NEMP1: variants seen among roughly 807,000 people sequenced by gnomAD.
NEMP1 encodes transmembrane protein 194.
In NEMP1, 29 loss-of-function variants were observed where a neutral mutation model predicts 53.7. The ratio of observed to expected loss-of-function variants is 0.54; its 90% CI spans 0.40 to 0.74. The LOEUF is 0.74. NEMP1 is among the 30% of genes least tolerant of loss of function. The pLI, the probability that NEMP1 is intolerant of heterozygous loss-of-function variation, is 0.00. For synonymous variants in NEMP1, 193 were observed against 192.9 expected (o/e 1.00, Z 0.00); for missense variants, 477 against 528.6 (o/e 0.90, Z 0.96).
Position 57,070,741 on chromosome 12 carries a change from G to C in NEMP1, c.405C>G (p.Ser135Arg). ...TCTCAACTTTGAGGCAGGTTTTTGT[G>C]CTGTATAGACCCACGTTAACATAGG... ...NDTYVNVGLY[S>R]TKTCLKVEII... The change falls in exon 3 of 9, where the codon AGC (serine) becomes AGG (arginine). Residue 135 changes from serine (S) to arginine (R), a missense_variant. By Grantham distance (110) the Ser-to-Arg change is moderately radical. Coordinates refer to ENST00000300128, the MANE Select transcript of NEMP1 (RefSeq NM_001130963.2). The C allele has an allele frequency of 6.3e-7, 1 of 1,584,442 alleles. No individual in the cohort carries two copies. Among genetic ancestry groups the C allele is most frequent in the Non-Finnish European group, 8.6e-7 (1 of 1,164,038 alleles).
intron 7 of NEMP1, among the ~76,000 whole-genome samples, chr12:57,062,221 TA>T (rs1035270548): frequency 1.3e-5 from 2 of 152,174 alleles, no homozygotes; most frequent in African/African-American, 4.8e-5. Flanking sequence ...GGCTCACGCC[TA>T]TAATCCTAGC....
intron 1 of NEMP1, 64 bp downstream of exon 1, chr12:57,078,555 A>C: frequency 6.4e-7 from 1 of 1,555,756 alleles, no homozygotes; most frequent in Non-Finnish European, 8.7e-7. Flanking sequence ...CCTCGGGACA[A>C]TCCCTTTTCC....
upstream of NEMP1, among the ~76,000 whole-genome samples, chr12:57,079,115 A>G (rs909099848): frequency 1.3e-5 from 2 of 152,244 alleles, no homozygotes; most frequent in Admixed American, 6.5e-5. Context: ...CGGTATTTCC[A>G]TAGAAGCTGT....
Position 57,060,932 on chromosome 12 carries a change from C to T in NEMP1, c.994G>A (p.Gly332Arg). The change falls in exon 8 of 9, where the codon GGA becomes AGA. Residue 332 changes from glycine (G) to arginine (R), a missense_variant. Coordinates refer to ENST00000300128, the MANE Select transcript of NEMP1 (RefSeq NM_001130963.2). The part of the protein sequence containing the change: ...LYITCRKVCK[G>R]AEKPVPPRLL... ...CGAGGGGGAACAGGCTTTTCTGCTC[C>T]CTTACACACCTTTCTGTGCTCACCA... is the stretch of plus-strand genomic sequence containing the variant. The T allele has an allele frequency of 6.2e-7, 1 of 1,613,506 alleles. No homozygotes were observed.
chr12:57,070,865 C>A lies in NEMP1; in HGVS notation c.281G>T (p.Arg94Leu). 1 of 1,613,998 alleles carries A rather than the reference C, an allele frequency of 6.2e-7. No individual in the cohort carries two copies. Residue 94 changes from arginine (R) to leucine (L), a missense_variant, in exon 3 of 9, where the codon CGA (arginine) becomes CTA (leucine). Transcript: ENST00000300128. Reference sequence around the variant, plus strand: ...CTCCTCATTCTCCACCTGGGTGACTCGAACCAATCTGGAACTATTTACTCG... The same window carrying A: ...CTCCTCATTCTCCACCTGGGTGACTAGAACCAATCTGGAACTATTTACTCG... Reference protein sequence around the residue: ...QIRVNSSRLVRVTQVENEEKL... With the variant: ...QIRVNSSRLVLVTQVENEEKL...
intron 1 of NEMP1, among the ~76,000 whole-genome samples, chr12:57,074,280 T>G (rs982642538): frequency 6.7e-5 from 10 of 149,138 alleles, no homozygotes; most frequent in Non-Finnish European, 1.5e-4. Context: ...TCTGCCACCA[T>G]GCCCAGCCAG....
At chr12:57,068,417 T>C (rs1261962078) in intron 4 of NEMP1, among the ~76,000 whole-genome samples, 5 of 151,874 alleles carry the variant, frequency 3.3e-5, no homozygotes, top group Non-Finnish European at 5.9e-5. Flanking sequence ...AGTGGTGTGA[T>C]CTTGGCTCAC....
At position 57,070,831 on chromosome 12, in the gene NEMP1, C is replaced by T. The variant is rs777100539; in HGVS notation, c.315G>A (p.Lys105=). 1 of 1,614,134 alleles carries T rather than the reference C, an allele frequency of 6.2e-7. No individual in the cohort carries two copies. The highest frequency in any genetic ancestry group is 8.5e-7 in the Non-Finnish European group (1 of 1,180,004). Residue 105 remains lysine (K), a synonymous_variant, in exon 3 of 9, where the codon AAG becomes AAA. Transcript: ENST00000300128. Reference sequence around the variant, plus strand: ...TCCAGATACTAAACTGCTCTAGCTCCTTCAGTTTCTCCTCATTCTCCACCT... The same window carrying T: ...TCCAGATACTAAACTGCTCTAGCTCTTTCAGTTTCTCCTCATTCTCCACCT... ...VTQVENEEKL[K]ELEQFSIWNF... is the part of the protein sequence containing the mutation.
In NEMP1 at chr12:57,059,689, T is replaced by C; in HGVS notation, c.*190A>G. 1 of 544,140 alleles carries C rather than the reference T, an allele frequency of 1.8e-6. No individual in the cohort carries two copies. The highest frequency in any genetic ancestry group is 3.1e-5 in the Admixed American group (1 of 32,350). The allele number at this position is 544,140 out of a possible 1,614,324, so 33.7% of individuals were successfully genotyped here. A position where few individuals can be genotyped will look rare whatever the true frequency, so the allele number is the denominator to read the frequency against. ...ACCCAGCATTCACTACTTTATCCAC[T>C]CTCCTTCCTCAGGGATCCCATAGAG... On this transcript the variant is annotated 3_prime_UTR_variant, in exon 9 of 9. Coordinates refer to ENST00000300128, the MANE Select transcript of NEMP1 (RefSeq NM_001130963.2).
At chr12:57,081,139 AATCTT>A (rs2032835777), upstream of NEMP1, among the ~76,000 whole-genome samples, 4 of 152,302 alleles carry the variant, frequency 2.6e-5, no homozygotes, top group South Asian at 8.3e-4. Flanking sequence ...ACACCACTCT[AATCTT>A]GAGAAAAACA....
chr12:57,073,992 A>T (rs1284385478), intron 1 of NEMP1, among the ~76,000 whole-genome samples: 3 of 151,590 alleles, frequency 2.0e-5, no homozygotes, highest in Non-Finnish European at 4.4e-5. Context: ...TTTTTGAGAC[A>T]GGGTCTGGCT....
intron 4 of NEMP1, among the ~76,000 whole-genome samples, chr12:57,067,783 C>T (rs1171821915): frequency 6.6e-6 from 1 of 152,108 alleles, no homozygotes; most frequent in Admixed American, 6.6e-5. Flanking sequence ...CATCATCTCT[C>T]CCGACCTGAA....
chr12:57,085,556 ATC>A (rs2032967336), intron 1 of NEMP1, among the ~76,000 whole-genome samples: 1 of 152,258 alleles, frequency 6.6e-6, no homozygotes, highest in South Asian at 2.1e-4. Flanking sequence ...GGTTAGGATT[ATC>A]TGTCTTTCAG....
intron 7 of NEMP1, among the ~76,000 whole-genome samples, chr12:57,061,914 G>A (rs1328287883): frequency 6.6e-6 from 1 of 151,476 alleles, no homozygotes; most frequent in East Asian, 1.9e-4. Context: ...CAGGAGAATC[G>A]CTTAAACCCA....
Position 57,071,384 on chromosome 12 carries a change from A to AT in NEMP1, c.253-492dup, listed in dbSNP as rs949400594. Among the ~76,000 whole-genome samples, 39 of 148,452 alleles carry AT rather than the reference A, an allele frequency of 2.6e-4. No individual in the cohort carries two copies. The East Asian group carries it at 4.7e-3, about 18-fold the overall frequency. ...TGGAGTATCACTTTTTTATCAGATAATTTTTTTTTTTGAGATGGAGTCTCG... is the reference window on the plus strand; with the variant it reads ...TGGAGTATCACTTTTTTATCAGATAATTTTTTTTTTTTGAGATGGAGTCTCG... On this transcript the variant is annotated intron_variant, in intron 2 of 8. Coordinates refer to ENST00000300128, the MANE Select transcript of NEMP1 (RefSeq NM_001130963.2).
At chr12:57,080,964 AAAG>A (rs2032830571), upstream of NEMP1, among the ~76,000 whole-genome samples, 1 of 152,126 alleles carries the variant, frequency 6.6e-6, no homozygotes, top group East Asian at 1.9e-4. Context: ...CTCAGAAGGA[AAAG>A]TCTAGGCCAA....
In NEMP1 at chr12:57,072,872, T is replaced by C. The variant is rs1436160729; in HGVS notation, c.168A>G (p.Gln56=). The C allele has an allele frequency of 1.2e-6, 2 of 1,613,580 alleles. No homozygotes were observed. Among genetic ancestry groups the C allele is most frequent in the Admixed American group, 1.7e-5 (1 of 59,916 alleles). The change falls in exon 2 of 9, where the codon CAA becomes CAG. Residue 56 remains glutamine, a synonymous_variant. Coordinates refer to ENST00000300128, the MANE Select transcript of NEMP1 (RefSeq NM_001130963.2). ...GTTGGCTGGCACGCTTTTCACAAAC[T>C]TGGGATTCCTGAAGCATGACCACAT... is the stretch of plus-strand genomic sequence containing the variant. The part of the protein sequence containing the change: ...DVNVVMLQES[Q]VCEKRASQQF...
chr12:57,080,689 G>A (rs2032822581), upstream of NEMP1, among the ~76,000 whole-genome samples: 1 of 151,514 alleles, frequency 6.6e-6, no homozygotes, highest in Non-Finnish European at 1.5e-5. Context: ...CCAGAAGTTC[G>A]AGACCAGCCT....
chr12:57,072,957 T>A (rs2032421521), intron 1 of NEMP1, 45 bp from the exon 2 acceptor site: 1 of 1,548,688 alleles, frequency 6.5e-7, no homozygotes. Flanking sequence ...AACAAGCTAA[T>A]AACTATAACT....
Sources: gnomAD v4.1 joint callset for allele counts (sites outside exome capture counted in the v4.1 genomes callset) on GRCh38, gnomAD v4.1.1 for gene constraint, MANE v1.5 for transcripts, NCBI Gene and HGNC (gene_info 2026-07-23, HGNC 2026-07-21) for gene names.